ADAMTSL1: variants seen among roughly 807,000 people sequenced by gnomAD.
ADAMTSL1 encodes ADAMTS-like protein 1.
Under a neutral mutation model 201.8 loss-of-function variants are expected in ADAMTSL1, and 126 were observed. The ratio of observed to expected loss-of-function variants is 0.62; its 90% CI spans 0.54 to 0.72. The LOEUF is 0.72. Ranked by LOEUF, ADAMTSL1 falls within the 30% of genes least tolerant of loss-of-function variation. The pLI, the probability that ADAMTSL1 is intolerant of heterozygous loss-of-function variation, is 0.00. For missense variants in ADAMTSL1, 2,679 were observed against 2,277.8 expected, an observed-to-expected ratio of 1.18 and a Z score of -3.59; for synonymous variants, 1,121 against 903.4, an observed-to-expected ratio of 1.24 and a Z score of -4.32.
At chr9:18,003,440 C>T (rs1328113836) in intron 1 of ADAMTSL1, among the ~76,000 whole-genome samples, 2 of 152,090 alleles carry the variant, frequency 1.3e-5, no homozygotes, top group African/African-American at 4.8e-5. Context: ...CTCTCCCGGC[C>T]AGTTCCAATG....
At chr9:18,067,676 G>C (rs1309636551) in intron 1 of ADAMTSL1, among the ~76,000 whole-genome samples, 1 of 152,210 alleles carries the variant, frequency 6.6e-6, no homozygotes, top group African/African-American at 2.4e-5. Flanking sequence ...ACAGAGAGCT[G>C]TCGGCAGCAC....
intron 3 of ADAMTSL1, among the ~76,000 whole-genome samples, chr9:18,556,251 G>A (rs1359042966): frequency 6.6e-6 from 1 of 151,900 alleles, no homozygotes; most frequent in Non-Finnish European, 1.5e-5. Flanking sequence ...TTGACTTATG[G>A]TCTTAGCATC....
chr9:18,637,134 A>G (rs955857794), intron 6 of ADAMTSL1, among the ~76,000 whole-genome samples: 1 of 152,156 alleles, frequency 6.6e-6, no homozygotes, highest in Non-Finnish European at 1.5e-5. Context: ...TAAGTAAGGT[A>G]CAGTTCAGGC....
intron 1 of ADAMTSL1, among the ~76,000 whole-genome samples, chr9:18,156,609 T>C (rs79561832): frequency 0.033 from 4,914 of 149,236 alleles, 118 homozygotes; most frequent in Non-Finnish European, 0.054. Flanking sequence ...ATTTTACATG[T>C]AAGATTTAAA....
intron 15 of ADAMTSL1, among the ~76,000 whole-genome samples, chr9:18,736,978 C>T (rs563911999): frequency 7.9e-5 from 12 of 152,220 alleles, no homozygotes; most frequent in Admixed American, 7.2e-4. Context: ...ATCAAATGTG[C>T]CCACTTGTCC....
Position 18,662,056 on chromosome 9 carries a change from G to T in ADAMTSL1, c.1068G>T (p.Leu356Phe). ...AACCCAAGCTTCAGGAGTGCAACTTGGATCCTTGTCCAGCCAGGTCAGTCA... is the reference window on the plus strand; with the variant it reads ...AACCCAAGCTTCAGGAGTGCAACTTTGATCCTTGTCCAGCCAGGTCAGTCA... ...KPKPKLQECN[L>F]DPCPASDGYK... The change falls in exon 9 of 29, where the codon TTG becomes TTT. Residue 356 changes from leucine (L) to phenylalanine (F), a missense_variant. By Grantham distance (22) the Leu-to-Phe change is conservative. Coordinates refer to ENST00000380548, the MANE Select transcript of ADAMTSL1 (RefSeq NM_001040272.6). The T allele has an allele frequency of 6.2e-7, 1 of 1,613,644 alleles. No homozygotes were observed. Among genetic ancestry groups the T allele is most frequent in the Non-Finnish European group, 8.5e-7 (1 of 1,179,776 alleles).
At chr9:18,085,311 C>A (rs191743882) in intron 1 of ADAMTSL1, among the ~76,000 whole-genome samples, 1 of 152,162 alleles carries the variant, frequency 6.6e-6, no homozygotes, top group Admixed American at 6.5e-5. Flanking sequence ...CAATACTTAA[C>A]CTTACTGGGC....
chr9:18,662,144 T>C (rs902412890), intron 9 of ADAMTSL1, 71 bp downstream of exon 9: 2 of 1,523,688 alleles, frequency 1.3e-6, no homozygotes, highest in East Asian at 4.5e-5. Flanking sequence ...TAAATTAAAA[T>C]GAAACGTTTT....
intron 1 of ADAMTSL1, among the ~76,000 whole-genome samples, chr9:18,503,724 T>A (rs1173983808): frequency 1.3e-5 from 2 of 152,102 alleles, no homozygotes; most frequent in African/African-American, 4.8e-5. Flanking sequence ...CATCTCCCTT[T>A]CCAATGATTC....
intron 9 of ADAMTSL1, among the ~76,000 whole-genome samples, chr9:18,675,587 C>G (rs555710970): frequency 6.6e-6 from 1 of 152,164 alleles, no homozygotes; most frequent in Admixed American, 6.6e-5. Flanking sequence ...TGATGAAGTG[C>G]CAAGTTTTGT....
At chr9:18,652,627 T>A (rs1038797500) in intron 7 of ADAMTSL1, among the ~76,000 whole-genome samples, 3 of 152,216 alleles carry the variant, frequency 2.0e-5, no homozygotes, top group Admixed American at 2.0e-4. Flanking sequence ...AAAACATGCT[T>A]TGTGTTAGAT....
intron 1 of ADAMTSL1, among the ~76,000 whole-genome samples, chr9:18,045,644 C>G (rs1821625830): frequency 6.6e-6 from 1 of 151,868 alleles, no homozygotes; most frequent in Non-Finnish European, 1.5e-5. Flanking sequence ...AGTGATAGGC[C>G]ATAGCTTTCG....
intron 1 of ADAMTSL1, among the ~76,000 whole-genome samples, chr9:18,062,739 A>T (rs939104420): frequency 6.6e-5 from 10 of 152,190 alleles, no homozygotes; most frequent in African/African-American, 1.9e-4. Flanking sequence ...GTATATTTTA[A>T]TGATGGCAGT....
intron 2 of ADAMTSL1, among the ~76,000 whole-genome samples, chr9:18,310,028 T>G (rs1323275377): frequency 6.6e-6 from 1 of 151,994 alleles, no homozygotes; most frequent in Non-Finnish European, 1.5e-5. Flanking sequence ...TCAGAAATAC[T>G]GCCACACATC....
At chr9:18,126,264 T>C (rs1825722870) in intron 1 of ADAMTSL1, among the ~76,000 whole-genome samples, 1 of 152,268 alleles carries the variant, frequency 6.6e-6, no homozygotes. Flanking sequence ...AACATGTTTG[T>C]GTACCCACCA....
chr9:18,093,655 G>C (rs1194035850), intron 1 of ADAMTSL1, among the ~76,000 whole-genome samples: 2 of 152,128 alleles, frequency 1.3e-5, no homozygotes, highest in African/African-American at 4.8e-5. Context: ...TAAAAATCTA[G>C]TAAAATTCTT....
intron 1 of ADAMTSL1, among the ~76,000 whole-genome samples, chr9:18,045,900 GT>G (rs1479943740): frequency 6.6e-5 from 10 of 152,148 alleles, no homozygotes; most frequent in Non-Finnish European, 1.2e-4. Flanking sequence ...AAATTTCCCT[GT>G]TCTAAAGAGA....
chr9:18,656,156 G>C (rs1828646538), intron 7 of ADAMTSL1, among the ~76,000 whole-genome samples: 1 of 151,834 alleles, frequency 6.6e-6, no homozygotes, highest in Admixed American at 6.6e-5. Flanking sequence ...TCCAAAAACT[G>C]ATGTAGAGTT....
intron 1 of ADAMTSL1, among the ~76,000 whole-genome samples, chr9:17,908,232 C>G (rs907186720): frequency 6.6e-6 from 1 of 152,102 alleles, no homozygotes; most frequent in African/African-American, 2.4e-5. Context: ...AGTTGTATTC[C>G]CACCATGCTT....
Sources: allele counts gnomAD v4.1 joint callset (sites outside exome capture counted in the v4.1 genomes callset), GRCh38; gene constraint gnomAD v4.1.1; transcripts MANE v1.5; gene names NCBI Gene and HGNC (gene_info 2026-07-23, HGNC 2026-07-21).